The following MTNR1A variants were observed in gnomAD, a reference collection of about 807,000 sequenced individuals.
MTNR1A encodes the protein melatonin receptor 1A.
MTNR1A carries 7 observed loss-of-function variants against 5.5 expected under a neutral mutation model. The ratio of observed to expected loss-of-function variants is 1.28; its 90% confidence interval spans 0.73 to 2.40. MTNR1A has a LOEUF of 2.40. Among genes scored for constraint, MTNR1A ranks in the 30% most tolerant of loss-of-function variants. MTNR1A has a pLI of 0.00. For synonymous variants in MTNR1A, 196 were observed against 202.7 expected (o/e 0.97, Z 0.28); for missense variants, 441 against 464.4 (o/e 0.95, Z 0.46).
rs1737285012 is a variant in MTNR1A, at chr4:186,552,528, C to T, written c.184+2654G>A. On this transcript the variant is annotated intron_variant, in intron 1 of 1. Coordinates refer to ENST00000307161, the MANE Select transcript of MTNR1A (RefSeq NM_005958.4). ...ATGCACGAATCATAGGTCTATAGTG[C>T]AATGATTTCCAGCAAACAGAGCACG... Among the ~76,000 whole-genome samples the T allele has an allele frequency of 3.9e-5, 6 of 152,172 alleles. No homozygotes were observed. The South Asian group carries it at 1.2e-3, about 31-fold the overall frequency.
intron 1 of MTNR1A, among the ~76,000 whole-genome samples, chr4:186,541,055 G>A (rs370250544): frequency 7.9e-5 from 12 of 152,146 alleles, no homozygotes; most frequent in Admixed American, 1.3e-4. Flanking sequence ...CACAGCCTGC[G>A]TTCCCACCAC....
chr4:186,540,253 C>A (rs1267407259), intron 1 of MTNR1A, among the ~76,000 whole-genome samples: 1 of 152,230 alleles, frequency 6.6e-6, no homozygotes, highest in African/African-American at 2.4e-5. Context: ...AGGGACACAG[C>A]CAAACCGCAT....
intron 1 of MTNR1A, among the ~76,000 whole-genome samples, chr4:186,549,773 C>T (rs1406886338): frequency 6.6e-6 from 1 of 152,122 alleles, no homozygotes; most frequent in Non-Finnish European, 1.5e-5. Context: ...TAGAACAGGA[C>T]CTTGAATTTT....
At position 186,534,088 on chromosome 4, in the gene MTNR1A, T is replaced by C; in HGVS notation, c.654A>G (p.Arg218=). 6.2e-7 allele frequency: 1 copy of C among 1,614,148 alleles called. No individual in the cohort carries two copies. The highest frequency in any genetic ancestry group is 8.5e-7 in the Non-Finnish European group (1 of 1,180,038). The change falls in exon 2 of 2, where the codon AGA becomes AGG. Residue 218 remains arginine (R), a synonymous_variant. Transcript: ENST00000307161. The stretch of plus-strand genomic sequence containing the variant: ...GTTTGCGGTCAGGTTTCACCCTCTG[T>C]CTGACCTGGAGAACCAGGATCCATA... ...LRIWILVLQV[R]QRVKPDRKPK...
chr4:186,548,814 T>G (rs948341223), intron 1 of MTNR1A, among the ~76,000 whole-genome samples: 6 of 63,398 alleles, frequency 9.5e-5, no homozygotes, highest in Non-Finnish European at 1.5e-4. Context: ...TATAAAGATA[T>G]ATATATATAT....
At chr4:186,551,103 T>G (rs908759807) in intron 1 of MTNR1A, among the ~76,000 whole-genome samples, 1 of 152,224 alleles carries the variant, frequency 6.6e-6, no homozygotes, top group African/African-American at 2.4e-5. Context: ...TGGGGTTAGC[T>G]TGAAATCATT....
At chr4:186,543,150 C>T (rs1045450680) in intron 1 of MTNR1A, among the ~76,000 whole-genome samples, 1 of 152,170 alleles carries the variant, frequency 6.6e-6, no homozygotes, top group Non-Finnish European at 1.5e-5. Flanking sequence ...TTTGGGGCTC[C>T]TCATTCTAGT....
At chr4:186,546,670 C>T (rs1222566657) in intron 1 of MTNR1A, among the ~76,000 whole-genome samples, 1 of 150,502 alleles carries the variant, frequency 6.6e-6, no homozygotes, top group African/African-American at 2.5e-5. Context: ...CACATCACAC[C>T]CTGTTCATGC....
At chr4:186,553,988 C>A (rs943643848) in intron 1 of MTNR1A, among the ~76,000 whole-genome samples, 1 of 152,174 alleles carries the variant, frequency 6.6e-6, no homozygotes, top group African/African-American at 2.4e-5. Flanking sequence ...GAGTTGACCA[C>A]GGCGCCACAG....
chr4:186,545,070 G>C (rs141650307), intron 1 of MTNR1A, among the ~76,000 whole-genome samples: 424 of 152,150 alleles, frequency 2.8e-3, no homozygotes, highest in Non-Finnish European at 4.1e-3. Flanking sequence ...GCCCTGATCT[G>C]CTCTCCTCTC....
intron 1 of MTNR1A, among the ~76,000 whole-genome samples, chr4:186,547,374 C>A (rs911179406): frequency 4.6e-5 from 7 of 151,704 alleles, no homozygotes; most frequent in Non-Finnish European, 2.9e-5. Context: ...GACACACTGT[C>A]CACACCACAC....
At chr4:186,545,022 T>C (rs980560475) in intron 1 of MTNR1A, among the ~76,000 whole-genome samples, 1 of 152,140 alleles carries the variant, frequency 6.6e-6, no homozygotes, top group African/African-American at 2.4e-5. Flanking sequence ...AAGTCTCAGC[T>C]TTCCCTGAGA....
rs529326030 is a variant in MTNR1A, at chr4:186,555,021, C to T, written c.184+161G>A. Among the ~76,000 whole-genome samples the T allele has an allele frequency of 6.6e-6, 1 of 152,278 alleles. No individual in the cohort carries two copies. Among genetic ancestry groups the T allele is most frequent in the African/African-American group, 2.4e-5 (1 of 41,562 alleles). ...TGACTCCGCGCCTTATGAAAAGGCA[C>T]TTTCAACGGGCAGGCTGGAGAAGAG... On this transcript the variant is annotated intron_variant, in intron 1 of 1. Coordinates refer to ENST00000307161, the MANE Select transcript of MTNR1A (RefSeq NM_005958.4). This position sits in a 1 kb window ranked among gnomAD's most constrained non-coding sequence, Gnocchi z 4.1.
chr4:186,543,237 T>C (rs1328579092), intron 1 of MTNR1A, among the ~76,000 whole-genome samples: 5 of 152,192 alleles, frequency 3.3e-5, no homozygotes, highest in East Asian at 1.9e-4. Context: ...TGGGTTATGA[T>C]TGCACAGTAA....
In MTNR1A at chr4:186,534,376, G is replaced by A. The variant is rs1380761822; in HGVS notation, c.366C>T (p.Ala122=). The change falls in exon 2 of 2, where the codon GCC becomes GCT. Residue 122 remains alanine (A), a synonymous_variant. Coordinates refer to ENST00000307161, the MANE Select transcript of MTNR1A (RefSeq NM_005958.4). ...GGCAGATGTAGCAGTAGCGGTTGAT[G>A]GCGATGCCGGTGATGTTGAATATGG... ...IGSIFNITGI[A]INRYCYICHS... is the part of the protein sequence containing the mutation. The A allele has an allele frequency of 1.9e-6, 3 of 1,614,002 alleles. No homozygotes were observed. Among genetic ancestry groups the A allele is most frequent in the African/African-American group, 2.7e-5 (2 of 74,906 alleles).
chr4:186,555,232 T>G lies in MTNR1A; in HGVS notation c.134A>C (p.Asn45Thr). ...ATACACCGACAGGATGACCAGGAGGTTGCCCAGGATGTCCACCACGATGGT... is the reference window on the plus strand; with the variant it reads ...ATACACCGACAGGATGACCAGGAGGGTGCCCAGGATGTCCACCACGATGGT... ...IFTIVVDILG[N>T]LLVILSVYRN... The change falls in exon 1 of 2, where the codon AAC (asparagine) becomes ACC (threonine). Residue 45 changes from asparagine to threonine, a missense_variant. Coordinates refer to ENST00000307161, the MANE Select transcript of MTNR1A (RefSeq NM_005958.4). The surrounding 1 kb of genome is among the most constrained non-coding windows in gnomAD (Gnocchi z 4.1). 6.3e-7 allele frequency: 1 copy of G among 1,586,162 alleles called. No homozygotes were observed. The highest frequency in any genetic ancestry group is 8.6e-7 in the Non-Finnish European group (1 of 1,166,912).
Position 186,534,148 on chromosome 4 carries a change from G to A in MTNR1A, c.594C>T (p.Val198=), listed in dbSNP as rs267600115. The change falls in exon 2 of 2, where the codon GTC becomes GTT. Residue 198 remains valine, a synonymous_variant. Transcript: ENST00000307161. ...TIAVVVFHFL[V]PMIIVIFCYL... ...AACAGAAGATGACTATGATCATGGG[G>A]ACGAGGAAGTGGAAAACCACCACGG... 6.2e-7 allele frequency: 1 copy of A among 1,613,652 alleles called. No homozygotes were observed. The highest frequency in any genetic ancestry group is 8.5e-7 in the Non-Finnish European group (1 of 1,179,576).
In MTNR1A at chr4:186,534,520, C is replaced by T. The variant is rs770375485; in HGVS notation, c.222G>A (p.Leu74=). The T allele has an allele frequency of 5.6e-6, 9 of 1,613,714 alleles. No homozygotes were observed. In the Admixed American group the frequency reaches 1.0e-4, roughly 18 times the overall value. ...IFVVSLAVAD[L]VVAIYPYPLV... is the part of the protein sequence containing the mutation. Reference sequence around the variant, plus strand: ...ACGGGTACGGATAAATGGCCACCACCAGGTCTGCCACCGCTAAGCTCACCA... The same window carrying T: ...ACGGGTACGGATAAATGGCCACCACTAGGTCTGCCACCGCTAAGCTCACCA... The change falls in exon 2 of 2, where the codon CTG becomes CTA. Residue 74 remains leucine (L), a synonymous_variant. Coordinates refer to ENST00000307161, the MANE Select transcript of MTNR1A (RefSeq NM_005958.4).
At chr4:186,540,569 C>G (rs114898184) in intron 1 of MTNR1A, among the ~76,000 whole-genome samples, 1 of 152,248 alleles carries the variant, frequency 6.6e-6, no homozygotes, top group Non-Finnish European at 1.5e-5. Context: ...TCTGAATGCT[C>G]GAACATGGAC....
Sources: allele counts gnomAD v4.1 joint callset (sites outside exome capture counted in the v4.1 genomes callset), GRCh38; gene constraint gnomAD v4.1.1; non-coding constraint Gnocchi (gnomAD v3.1); transcripts MANE v1.5; gene names NCBI Gene and HGNC (gene_info 2026-07-23, HGNC 2026-07-21).